The following APP variants were observed in gnomAD, a reference collection of about 807,000 sequenced individuals.
APP encodes amyloid-beta precursor protein.
A neutral mutation model predicts 101.4 loss-of-function variants in APP; 31 were observed. The ratio of observed to expected loss-of-function variants is 0.31; its 90% confidence interval spans 0.23 to 0.41. APP has a LOEUF of 0.41. Ranked by LOEUF, APP falls within the 10% of genes least tolerant of loss-of-function variation. The pLI is 1.00. For missense variants in APP, 839 were observed against 1,003.7 expected (o/e 0.84, Z 2.22); for synonymous variants, 366 against 364.4 (o/e 1.00, Z -0.05).
intron 5 of APP, among the ~76,000 whole-genome samples, chr21:26,029,392 T>C (rs2044720942): frequency 6.6e-6 from 1 of 152,134 alleles, no homozygotes; most frequent in Admixed American, 6.6e-5. Flanking sequence ...CCTCAGCACC[T>C]GTATAAATGC....
At chr21:25,914,369 C>G (rs1343406177) in intron 13 of APP, among the ~76,000 whole-genome samples, 1 of 151,890 alleles carries the variant, frequency 6.6e-6, no homozygotes, top group South Asian at 2.1e-4. Flanking sequence ...TAAATCTCCA[C>G]TGTGGTAGTA....
Position 25,881,593 on chromosome 21 carries a change from T to A in APP, c.*77A>T. 1.3e-6 allele frequency: 2 copies of A among 1,496,378 alleles called. No individual in the cohort carries two copies. The highest frequency in any genetic ancestry group is 1.9e-6 in the Non-Finnish European group (2 of 1,074,892). 92.7% of individuals were successfully genotyped at this position (1,496,378 alleles called of 1,614,324 possible). On this transcript the variant is annotated 3_prime_UTR_variant, in exon 18 of 18. Transcript: ENST00000346798. ...AAAACGGGTTTGTTTCTTCCCACAT[T>A]ATTCTATAAATGGACACCGATGGGT...
intron 13 of APP, chr21:25,934,074 C>G (rs1389895985): frequency 6.6e-6 from 1 of 152,028 alleles, no homozygotes; most frequent in Non-Finnish European, 1.5e-5. Context: ...AGAGAAGACA[C>G]AGAAACAGAG....
At chr21:26,017,990 G>A (rs1340008311) in intron 6 of APP, among the ~76,000 whole-genome samples, 7 of 152,142 alleles carry the variant, frequency 4.6e-5, no homozygotes, top group Non-Finnish European at 2.9e-5. Context: ...TGTTGCCCAG[G>A]CTGGAGTGCA....
chr21:26,062,142 G>A (rs921372317), intron 3 of APP, among the ~76,000 whole-genome samples: 6 of 151,542 alleles, frequency 4.0e-5, no homozygotes, highest in African/African-American at 9.7e-5. Context: ...CCAGGGAGGC[G>A]GAGGTTGCAG....
rs568812004 is a variant in APP at position 25,972,995 on chromosome 21, G to A, written c.1458+2075C>T. On this transcript the variant is annotated intron_variant, in intron 11 of 17. Transcript: ENST00000346798. ...TCATTTGAACTGACATAACATCATC[G>A]TGACAAGTTTAGAATGTTTTCTATA... is the stretch of plus-strand genomic sequence containing the variant. 2.0e-5 allele frequency among the ~76,000 whole-genome samples: 3 copies of A among 152,150 alleles called. No individual in the cohort carries two copies. In the East Asian group the frequency reaches 5.8e-4, roughly 29 times the overall value.
intron 13 of APP, among the ~76,000 whole-genome samples, chr21:25,932,930 C>T (rs1186501979): frequency 1.3e-5 from 2 of 152,124 alleles, no homozygotes; most frequent in African/African-American, 2.4e-5. Context: ...AGAGCCTCTA[C>T]GTTAAGTACC....
At chr21:25,912,938 AT>A (rs1231587472) in intron 13 of APP, among the ~76,000 whole-genome samples, 6 of 152,220 alleles carry the variant, frequency 3.9e-5, no homozygotes, top group Non-Finnish European at 8.8e-5. Flanking sequence ...ATTTTTACAA[AT>A]TAGAGACCGA....
chr21:26,102,380 C>T (rs1000553848), intron 2 of APP, among the ~76,000 whole-genome samples: 3 of 151,974 alleles, frequency 2.0e-5, no homozygotes, highest in African/African-American at 7.2e-5. Flanking sequence ...TGAGCCACTG[C>T]GCCCGGCCAA....
chr21:25,902,019 C>G (rs1486161346), intron 15 of APP, among the ~76,000 whole-genome samples: 1 of 152,090 alleles, frequency 6.6e-6, no homozygotes, highest in Non-Finnish European at 1.5e-5. Context: ...GGAGGAGGAG[C>G]TATAATGGCC....
At chr21:26,030,353 G>T (rs1219288623) in intron 5 of APP, among the ~76,000 whole-genome samples, 3 of 152,158 alleles carry the variant, frequency 2.0e-5, no homozygotes, top group Non-Finnish European at 4.4e-5. Context: ...TATGGACATG[G>T]TATCCAATGG....
intron 5 of APP, among the ~76,000 whole-genome samples, chr21:26,049,721 G>A (rs1303858226): frequency 6.6e-6 from 1 of 152,186 alleles, no homozygotes; most frequent in Non-Finnish European, 1.5e-5. Flanking sequence ...ATGTTCAATG[G>A]AATAGGTAAG....
chr21:25,946,684 T>C (rs1569091284), intron 13 of APP, among the ~76,000 whole-genome samples: 1 of 151,448 alleles, frequency 6.6e-6, no homozygotes, highest in African/African-American at 2.4e-5. Context: ...AAAATAAAAA[T>C]AAAAATAAAA....
chr21:25,975,678 A>C (rs963949141), intron 10 of APP, among the ~76,000 whole-genome samples: 1 of 152,232 alleles, frequency 6.6e-6, no homozygotes, highest in Non-Finnish European at 1.5e-5. Context: ...GCAGCAGAAG[A>C]TTGTGGTGAC....
chr21:26,052,062 AAC>A (rs2045860135), intron 4 of APP, among the ~76,000 whole-genome samples: 1 of 152,256 alleles, frequency 6.6e-6, no homozygotes, highest in African/African-American at 2.4e-5. Flanking sequence ...TTACATAAAA[AAC>A]ATTTTATTCT....
intron 6 of APP, 49 bp downstream of exon 6, chr21:26,021,791 G>A (rs370317333): frequency 1.2e-5 from 19 of 1,602,490 alleles, no homozygotes; most frequent in Non-Finnish European, 1.6e-5. Flanking sequence ...CTGGTATTAC[G>A]CTTTCTTTTC....
intron 6 of APP, among the ~76,000 whole-genome samples, chr21:26,014,615 A>G (rs538722735): frequency 7.2e-5 from 11 of 152,186 alleles, no homozygotes; most frequent in Non-Finnish European, 1.5e-4. Flanking sequence ...GACAATGCAG[A>G]TATGGCTAGA....
chr21:25,988,702 C>CAAAAAAAAAAAAAAAAAAAAA (rs537417600), intron 8 of APP, among the ~76,000 whole-genome samples: 16 of 62,360 alleles, frequency 2.6e-4, no homozygotes, highest in African/African-American at 9.0e-4. Flanking sequence ...AACTCTGTCT[C>CAAAAAAAAAAAAAAAAAAAAA]AAAAAAAAAA....
Position 26,112,074 on chromosome 21 carries a change from G to A in APP, c.130C>T (p.His44Tyr), listed in dbSNP as rs774281569. The A allele has an allele frequency of 1.9e-5, 30 of 1,613,984 alleles. No homozygotes were observed. Among genetic ancestry groups the A allele is most frequent in the Admixed American group, 3.3e-5 (2 of 60,004 alleles). The stretch of plus-strand genomic sequence containing the variant: ...CACTTCCCATTCTGGACATTCATGT[G>A]CATGTTCAGTCTGCCACAGAACATG... ...IAMFCGRLNM[H>Y]MNVQNGKWDS... is the part of the protein sequence containing the mutation. The change falls in exon 2 of 18, where the codon CAC becomes TAC. Residue 44 changes from histidine (H) to tyrosine (Y), a missense_variant. Physicochemically the swap from His to Tyr is moderately conservative, Grantham distance 83. Transcript: ENST00000346798.
Sources: allele counts gnomAD v4.1 joint callset (sites outside exome capture counted in the v4.1 genomes callset), GRCh38; gene constraint gnomAD v4.1.1; transcripts MANE v1.5; gene names NCBI Gene and HGNC (gene_info 2026-07-23, HGNC 2026-07-21).